ZDHHC19: variants seen among roughly 807,000 people sequenced by gnomAD.
The protein encoded by ZDHHC19 is palmitoyltransferase ZDHHC19.
Under a neutral mutation model 33.9 loss-of-function variants are expected in ZDHHC19, and 30 were observed. That is an observed-to-expected ratio of 0.88 (90% CI 0.66 to 1.20). The LOEUF (loss-of-function observed/expected upper bound fraction) is 1.20. Among genes scored for constraint, ZDHHC19 ranks in the 50% most tolerant of loss-of-function variants. ZDHHC19 has a pLI of 0.00. For missense variants in ZDHHC19, 364 were observed against 401.1 expected, an observed-to-expected ratio of 0.91 and a Z score of 0.79; for synonymous variants, 178 against 167.6, an observed-to-expected ratio of 1.06 and a Z score of -0.48.
intron 5 of ZDHHC19, among the ~76,000 whole-genome samples, chr3:196,202,811 G>C (rs1238804729): frequency 2.0e-5 from 3 of 152,240 alleles, no homozygotes; most frequent in Admixed American, 6.5e-5. Context: ...TGCCGGGGAA[G>C]GGGGAGAGTG....
chr3:196,201,601 A>G (rs572961991), intron 5 of ZDHHC19, among the ~76,000 whole-genome samples: 76 of 152,076 alleles, frequency 5.0e-4, no homozygotes, highest in Non-Finnish European at 4.9e-4. Flanking sequence ...TGTGCCTGTA[A>G]TCCCAACTAC....
chr3:196,200,492 T>C lies in ZDHHC19; in HGVS notation c.688-1618A>G, dbSNP rs1173901936. 1.8e-3 allele frequency among the ~76,000 whole-genome samples: 255 copies of C among 139,008 alleles called. 4 individuals are homozygous for C. Among genetic ancestry groups the C allele is most frequent in the Middle Eastern group, 3.6e-3 (1 of 274 alleles). The allele number at this position is 139,008 out of a possible 152,430, so 91.2% of individuals were successfully genotyped here. A position where few individuals can be genotyped will look rare whatever the true frequency, so the allele number is the denominator to read the frequency against. On this transcript the variant is annotated intron_variant, in intron 5 of 7. Coordinates refer to ENST00000296326, the MANE Select transcript of ZDHHC19 (RefSeq NM_001039617.2). ...GCCTCAGCCTCCCAAGTAGCTGGGATTACAGGTGCTCGCCACCACGCCCAG... is the reference window on the plus strand; with the variant it reads ...GCCTCAGCCTCCCAAGTAGCTGGGACTACAGGTGCTCGCCACCACGCCCAG...
rs1245202831 is a variant in ZDHHC19, at chr3:196,203,775, G to A, written c.687+3623C>T. 6.6e-6 allele frequency among the ~76,000 whole-genome samples: 1 copy of A among 152,192 alleles called. No individual in the cohort carries two copies. The highest frequency in any genetic ancestry group is 1.5e-5 in the Non-Finnish European group (1 of 68,032). Reference sequence around the variant, plus strand: ...CACTGAGGCTGGGGAGGGTCCACATGCAGACCAGAGCGGGCTGATGAGGAA... The same window carrying A: ...CACTGAGGCTGGGGAGGGTCCACATACAGACCAGAGCGGGCTGATGAGGAA... On this transcript the variant is annotated intron_variant, in intron 5 of 7. Transcript: ENST00000296326. The surrounding 1 kb of genome is among the most constrained non-coding windows in gnomAD (Gnocchi z 4.3).
intron 5 of ZDHHC19, chr3:196,199,355 A>T: frequency 6.1e-6 from 1 of 164,842 alleles, no homozygotes; most frequent in Non-Finnish European, 1.3e-5. Flanking sequence ...CCTGACTTCA[A>T]GAGCCTTTGC....
intron 2 of ZDHHC19, 146 bp downstream of exon 2, chr3:196,210,470 T>G (rs1370626548): frequency 7.5e-6 from 5 of 668,778 alleles, no homozygotes; most frequent in South Asian, 2.9e-5. Context: ...GAAGAAAGAG[T>G]GAGCGAGGGC....
chr3:196,201,969 T>C (rs2108722984), intron 5 of ZDHHC19, among the ~76,000 whole-genome samples: 1 of 152,226 alleles, frequency 6.6e-6, no homozygotes, highest in Non-Finnish European at 1.5e-5. Flanking sequence ...CAAAGTGCTA[T>C]GGATTCCTTT....
chr3:196,198,675 G>T, intron 6 of ZDHHC19, 114 bp downstream of exon 6: 1 of 1,590,512 alleles, frequency 6.3e-7, no homozygotes. Flanking sequence ...GAAAACCCCA[G>T]AGGAGCAGGA....
chr3:196,198,637 G>C (rs1307045645), intron 6 of ZDHHC19, 152 bp downstream of exon 6: 2 of 1,555,422 alleles, frequency 1.3e-6, no homozygotes, highest in Admixed American at 3.9e-5. Context: ...AGGACGTAGG[G>C]AGGCCCCAGA....
intron 5 of ZDHHC19, among the ~76,000 whole-genome samples, chr3:196,200,556 G>C (rs67751943): frequency 6.1e-5 from 9 of 148,718 alleles, no homozygotes; most frequent in Admixed American, 3.3e-4. Flanking sequence ...GGGTTTCACC[G>C]TGTTAGCCAG....
At chr3:196,204,582 G>A (rs553484323) in intron 5 of ZDHHC19, among the ~76,000 whole-genome samples, 1 of 152,272 alleles carries the variant, frequency 6.6e-6, no homozygotes, top group South Asian at 2.1e-4. Flanking sequence ...TAGTTACACA[G>A]ATGGCAAAGA....
chr3:196,210,268 G>GAGAAAGAAAGAAAGAAAGAA lies in ZDHHC19; in HGVS notation c.268+328_268+347dup, dbSNP rs59234849. ...AAGAAAGAAAAAGAAAGAAAGAAAAGAGAAAGAAAGAAAGAAAGAAGGAAG... is the reference window on the plus strand; with the variant it reads ...AAGAAAGAAAAAGAAAGAAAGAAAAGAGAAAGAAAGAAAGAAAGAAAGAAAGAAAGAAAGAAAGAAGGAAG... On this transcript the variant is annotated intron_variant, in intron 2 of 7. Transcript: ENST00000296326. Among the ~76,000 whole-genome samples, 845 of 119,284 alleles carry GAGAAAGAAAGAAAGAAAGAA rather than the reference G, an allele frequency of 7.1e-3. 13 individuals are homozygous for GAGAAAGAAAGAAAGAAAGAA. The highest frequency in any genetic ancestry group is 0.033 in the Middle Eastern group (8 of 246). The allele number at this position is 119,284 out of a possible 152,430, so 78.3% of individuals were successfully genotyped here.
intron 5 of ZDHHC19, among the ~76,000 whole-genome samples, chr3:196,204,939 C>G (rs1722620463): frequency 6.6e-6 from 1 of 152,120 alleles, no homozygotes; most frequent in Non-Finnish European, 1.5e-5. Context: ...AACCCCATCT[C>G]TACTAAAAAT....
chr3:196,198,221 G>A, intron 7 of ZDHHC19, 55 bp downstream of exon 7: 1 of 1,405,764 alleles, frequency 7.1e-7, no homozygotes, highest in East Asian at 2.6e-5. Flanking sequence ...CTCACAACCT[G>A]CAGACACCCC....
chr3:196,206,800 C>T (rs544264504), intron 5 of ZDHHC19, among the ~76,000 whole-genome samples: 1 of 151,532 alleles, frequency 6.6e-6, no homozygotes, highest in African/African-American at 2.4e-5. Flanking sequence ...CCAGCCTGGA[C>T]CTTTTTAATG....
chr3:196,205,627 T>A (rs998487470), intron 5 of ZDHHC19, among the ~76,000 whole-genome samples: 1 of 152,200 alleles, frequency 6.6e-6, no homozygotes, highest in African/African-American at 2.4e-5. Context: ...GAGTATTACA[T>A]AGGTAGATTA....
Position 196,197,515 on chromosome 3 carries a change from G to C in ZDHHC19, c.*230C>G, listed in dbSNP as rs935637109. Reference sequence around the variant, plus strand: ...CTTGGCAGTCCCACCAGGGGAGTGGGCAAAGGGCAAGGCACAGAAAGGCTT... The same window carrying C: ...CTTGGCAGTCCCACCAGGGGAGTGGCCAAAGGGCAAGGCACAGAAAGGCTT... On this transcript the variant is annotated 3_prime_UTR_variant, in exon 8 of 8. Coordinates refer to ENST00000296326, the MANE Select transcript of ZDHHC19 (RefSeq NM_001039617.2). The surrounding 1 kb of genome is among the most constrained non-coding windows in gnomAD (Gnocchi z 4.4). 1 of 152,476 alleles carries C rather than the reference G, an allele frequency of 6.6e-6. No individual in the cohort carries two copies. Among genetic ancestry groups the C allele is most frequent in the East Asian group, 1.9e-4 (1 of 5,202 alleles). The allele number at this position is 152,476 out of a possible 1,614,324, so 9.4% of individuals were successfully genotyped here.
Position 196,207,388 on chromosome 3 carries a change from CCCCGCGTACCTTG to C in ZDHHC19, c.684_687+9del, listed in dbSNP as rs1176043046. 6.4e-7 allele frequency: 1 copy of C among 1,551,012 alleles called. No homozygotes were observed. Among genetic ancestry groups the C allele is most frequent in the African/African-American group, 1.4e-5 (1 of 72,854 alleles). ...CGAGGTGCAAGCTGACCACCCGCGG[CCCCGCGTACCTTG>C]CCCTTGTAGGTGCGGTCGGCCGAGC... On this transcript the variant is annotated splice_donor_variant and splice_donor_5th_base_variant and coding_sequence_variant and intron_variant, in exon 5 of 8. Transcript: ENST00000296326. LOFTEE classifies it high-confidence loss of function.
chr3:196,211,132 C>T (rs1053184360), intron 1 of ZDHHC19, 38 bp downstream of exon 1: 1 of 1,613,926 alleles, frequency 6.2e-7, no homozygotes, highest in African/African-American at 1.3e-5. Context: ...CTGGCTGTCT[C>T]TTTGTGGGAA....
chr3:196,200,377 T>C lies in ZDHHC19; in HGVS notation c.688-1503A>G, dbSNP rs1418570636. The stretch of plus-strand genomic sequence containing the variant: ...ATATATAATTTTTTTTTTTTTGAGA[T>C]GGAGTCTTGCTCTGTCACCCAGGCT... On this transcript the variant is annotated intron_variant, in intron 5 of 7. Transcript: ENST00000296326. Among the ~76,000 whole-genome samples the C allele has an allele frequency of 3.0e-4, 42 of 140,114 alleles. 1 individual carries two copies. Among genetic ancestry groups the C allele is most frequent in the East Asian group, 6.4e-4 (3 of 4,682 alleles). 91.9% of individuals were successfully genotyped at this position (140,114 alleles called of 152,430 possible).
Sources: gnomAD v4.1 joint callset for allele counts (sites outside exome capture counted in the v4.1 genomes callset) on GRCh38, gnomAD v4.1.1 for gene constraint, Gnocchi (gnomAD v3.1) non-coding constraint, MANE v1.5 for transcripts, NCBI Gene and HGNC (gene_info 2026-07-23, HGNC 2026-07-21) for gene names.